The following CFAP53 variants were observed in gnomAD, a reference collection of about 807,000 sequenced individuals.
CFAP53 encodes the protein cilia- and flagella-associated protein 53.
A neutral mutation model predicts 59.7 loss-of-function variants in CFAP53; 62 were observed. That is an observed-to-expected ratio of 1.04 (90% CI 0.85 to 1.28). The LOEUF (loss-of-function observed/expected upper bound fraction) is 1.28. CFAP53 is among the 50% of genes most tolerant of loss of function. The pLI is 0.00. For synonymous variants in CFAP53, 218 were observed against 205.7 expected (o/e 1.06, Z -0.51); for missense variants, 629 against 615.6 (o/e 1.02, Z -0.23).
intron 2 of CFAP53, 86 bp from the exon 3 acceptor site, chr18:50,261,323 C>A: frequency 3.0e-6 from 4 of 1,318,868 alleles, no homozygotes; most frequent in Non-Finnish European, 4.0e-6. Flanking sequence ...AACTATAGGT[C>A]TAATTTGTAA....
intron 1 of CFAP53, among the ~76,000 whole-genome samples, chr18:50,262,907 T>G (rs565265764): frequency 2.0e-5 from 3 of 152,266 alleles, no homozygotes; most frequent in African/African-American, 7.2e-5. Flanking sequence ...CCCAGAAGTT[T>G]TAATGCAAAG....
chr18:50,251,979 G>T (rs1322196559), intron 3 of CFAP53, among the ~76,000 whole-genome samples, 195 bp from the exon 4 acceptor site: 1 of 152,148 alleles, frequency 6.6e-6, no homozygotes, highest in Non-Finnish European at 1.5e-5. Flanking sequence ...ATGAAAACTG[G>T]AGTAAAGCAA....
At chr18:50,259,999 G>C (rs2033876734) in intron 3 of CFAP53, among the ~76,000 whole-genome samples, 1 of 152,148 alleles carries the variant, frequency 6.6e-6, no homozygotes, top group Non-Finnish European at 1.5e-5. Context: ...GTATATTTTT[G>C]CTTTAGAGGT....
At chr18:50,260,821 A>G (rs1229854780) in intron 3 of CFAP53, among the ~76,000 whole-genome samples, 2 of 152,238 alleles carry the variant, frequency 1.3e-5, no homozygotes, top group Non-Finnish European at 2.9e-5. Context: ...GTTAATACCT[A>G]AAGTTCAGTA....
Position 50,245,977 on chromosome 18 carries a change from G to A in CFAP53, c.997-2861C>T, listed in dbSNP as rs141943795. On this transcript the variant is annotated intron_variant, in intron 5 of 7. Transcript: ENST00000398545. ...ACGATCTCAGCTCACTGCAACGTCC[G>A]CCTCCCGGATCAAGCGATTCTCCTG... Among the ~76,000 whole-genome samples the A allele has an allele frequency of 4.0e-3, 612 of 152,210 alleles. 3 individuals carry two copies. The highest frequency in any genetic ancestry group is 0.014 in the African/African-American group (566 of 41,516).
chr18:50,227,565 T>G lies in CFAP53; in HGVS notation c.1361A>C (p.Gln454Pro), dbSNP rs760283330. ...TTGGGACTGCTGCTGGTAGGCGATT[T>G]GCATCTGAAGTTGCTTCCTGTACTC... ...AQEYRKQLQM[Q>P]IAYQQQSQEA... Residue 454 changes from glutamine to proline, a missense_variant, in exon 8 of 8, where the codon CAA (glutamine) becomes CCA (proline). Transcript: ENST00000398545. 6.8e-6 allele frequency: 11 copies of G among 1,614,130 alleles called. No homozygotes were observed. The African/African-American group carries it at 1.2e-4, about 18-fold the overall frequency.
Position 50,227,430 on chromosome 18 carries a change from T to C in CFAP53, c.1496A>G (p.Gln499Arg). The change falls in exon 8 of 8, where the codon CAA becomes CGA. Residue 499 changes from glutamine to arginine, a missense_variant. Physicochemically the swap from Gln to Arg is conservative, Grantham distance 43 (BLOSUM62 1). Transcript: ENST00000398545. ...TGCCTTGCGCATGGGATGAATGTTT[T>C]GAGGCAGCACTTGATGGGTGGACAG... ...EVLSTHQVLPQNIHPMRKACP... is the reference protein window; with the variant it reads ...EVLSTHQVLPRNIHPMRKACP... 1 of 1,614,192 alleles carries C rather than the reference T, an allele frequency of 6.2e-7. No homozygotes were observed. The highest frequency in any genetic ancestry group is 1.3e-5 in the African/African-American group (1 of 75,062).
intron 5 of CFAP53, among the ~76,000 whole-genome samples, chr18:50,243,884 G>A (rs928093097): frequency 2.2e-4 from 33 of 151,860 alleles, no homozygotes; most frequent in South Asian, 1.0e-3. Context: ...CCCAGGAGGC[G>A]GAGCTTGCAG....
In CFAP53 at chr18:50,262,123, A is replaced by C; in HGVS notation, c.166T>G (p.Ser56Ala). The change falls in exon 2 of 8, where the codon TCA becomes GCA. Residue 56 changes from serine to alanine, a missense_variant. Coordinates refer to ENST00000398545, the MANE Select transcript of CFAP53 (RefSeq NM_145020.5). ...GCTTTCAAGCGATCCCGCTCACTTG[A>C]CTTAATGGAAGCCAAAATAGCATTA... ...KHNAILASIK[S>A]SERDRLKAEW... The C allele has an allele frequency of 6.2e-7, 1 of 1,614,208 alleles. No individual in the cohort carries two copies. Among genetic ancestry groups the C allele is most frequent in the Non-Finnish European group, 8.5e-7 (1 of 1,180,044 alleles).
intron 3 of CFAP53, among the ~76,000 whole-genome samples, chr18:50,257,146 G>A (rs532762909): frequency 2.0e-5 from 3 of 151,964 alleles, no homozygotes; most frequent in Non-Finnish European, 2.9e-5. Flanking sequence ...AGATGAAATC[G>A]ATGATTTAGG....
chr18:50,257,151 T>C (rs1193868318), intron 3 of CFAP53, among the ~76,000 whole-genome samples: 1 of 152,032 alleles, frequency 6.6e-6, no homozygotes, highest in Non-Finnish European at 1.5e-5. Context: ...AAATCGATGA[T>C]TTAGGGCATT....
intron 4 of CFAP53, 54 bp from the exon 5 acceptor site, chr18:50,251,030 T>G: frequency 7.0e-7 from 1 of 1,429,814 alleles, no homozygotes; most frequent in Admixed American, 1.7e-5. Context: ...ACAAGACAAG[T>G]TAGTGCATTT....
At chr18:50,264,284 A>G (rs2033917980) in intron 1 of CFAP53, among the ~76,000 whole-genome samples, 1 of 152,216 alleles carries the variant, frequency 6.6e-6, no homozygotes, top group Non-Finnish European at 1.5e-5. Flanking sequence ...AGGTCACTGA[A>G]GGCTGTTATT....
At chr18:50,232,281 G>A (rs2144401529) in intron 7 of CFAP53, among the ~76,000 whole-genome samples, 1 of 152,260 alleles carries the variant, frequency 6.6e-6, no homozygotes, top group East Asian at 1.9e-4. Context: ...AAAAAGAAAT[G>A]TCTAATTTAT....
chr18:50,233,259 T>C (rs1394586018), intron 7 of CFAP53, among the ~76,000 whole-genome samples: 1 of 152,164 alleles, frequency 6.6e-6, no homozygotes, highest in Non-Finnish European at 1.5e-5. Flanking sequence ...AACCCAGAAT[T>C]TTTAAACCTC....
chr18:50,227,308 A>T lies in CFAP53; in HGVS notation c.*73T>A. On this transcript the variant is annotated 3_prime_UTR_variant, in exon 8 of 8. Coordinates refer to ENST00000398545, the MANE Select transcript of CFAP53 (RefSeq NM_145020.5). Reference sequence around the variant, plus strand: ...AAAAAGAAAAGTTTATCCAGGAGTTAAAAGAAGCATACAAGCATACTGTAG... The same window carrying T: ...AAAAAGAAAAGTTTATCCAGGAGTTTAAAGAAGCATACAAGCATACTGTAG... The T allele has an allele frequency of 8.3e-7, 1 of 1,202,876 alleles. No homozygotes were observed. The highest frequency in any genetic ancestry group is 1.2e-6 in the Non-Finnish European group (1 of 844,922). The allele number at this position is 1,202,876 out of a possible 1,614,324, so 74.5% of individuals were successfully genotyped here.
At chr18:50,259,528 G>C (rs35715971) in intron 3 of CFAP53, among the ~76,000 whole-genome samples, 28,176 of 151,388 alleles carry the variant, frequency 0.19, 2,693 homozygotes, top group South Asian at 0.22. Flanking sequence ...GAATGAATAA[G>C]ACCTACTATT....
rs531963708 is a variant in CFAP53, at chr18:50,255,463, C to T, written c.474-3679G>A. Among the ~76,000 whole-genome samples the T allele has an allele frequency of 2.2e-4, 33 of 151,892 alleles. No homozygotes were observed. The South Asian group carries it at 6.7e-3, about 31-fold the overall frequency. ...GTTTCCTTGTCTTAATATTGTATTA[C>T]AATTATGTAAGATATAACCATTGAG... On this transcript the variant is annotated intron_variant, in intron 3 of 7. Transcript: ENST00000398545.
intron 7 of CFAP53, among the ~76,000 whole-genome samples, chr18:50,231,760 C>A (rs143625331): frequency 9.2e-5 from 14 of 152,300 alleles, no homozygotes; most frequent in Admixed American, 8.5e-4. Context: ...ACGTGTGATG[C>A]GACTGGCAGC....
Sources: allele counts gnomAD v4.1 joint callset (sites outside exome capture counted in the v4.1 genomes callset), GRCh38; gene constraint gnomAD v4.1.1; transcripts MANE v1.5; gene names NCBI Gene and HGNC (gene_info 2026-07-23, HGNC 2026-07-21).